Variants in RORA observed in about 807,000 individuals in gnomAD.
RORA encodes RAR related orphan receptor A, also known as nuclear receptor ROR-alpha.
Under a neutral mutation model 69.5 loss-of-function variants are expected in RORA, and 7 were observed. That is an observed-to-expected ratio of 0.10 (90% CI 0.06 to 0.19). The LOEUF (loss-of-function observed/expected upper bound fraction) is 0.19, where lower values mean the gene tolerates loss of function less well. Among genes scored for constraint, RORA ranks in the 10% least tolerant of loss-of-function variants. The pLI, the probability that RORA is intolerant of heterozygous loss-of-function variation, is 1.00. For synonymous variants in RORA, 261 were observed against 240.8 expected (o/e 1.08, Z -0.78); for missense variants, 457 against 663.0 (o/e 0.69, Z 3.41).
At chr15:61,211,967 C>T (rs1227604175) in intron 1 of RORA, 5 of 152,204 alleles carry the variant, frequency 3.3e-5, no homozygotes, top group Non-Finnish European at 2.9e-5. Flanking sequence ...CCTGGCCAAA[C>T]ACTTGGTGCA....
intron 1 of RORA, among the ~76,000 whole-genome samples, chr15:61,063,103 G>C (rs1284172638): frequency 1.3e-5 from 2 of 152,136 alleles, no homozygotes; most frequent in African/African-American, 2.4e-5. Flanking sequence ...CAGTTGCCAG[G>C]CTGGCCCTGT....
intron 2 of RORA, among the ~76,000 whole-genome samples, chr15:60,659,544 T>A (rs2070272145): frequency 1.3e-5 from 2 of 152,202 alleles, no homozygotes; most frequent in African/African-American, 4.8e-5. Flanking sequence ...TTTTCTTACT[T>A]GCATGCTAAC....
chr15:60,687,962 G>C (rs2070771703), intron 1 of RORA, among the ~76,000 whole-genome samples: 1 of 152,148 alleles, frequency 6.6e-6, no homozygotes, highest in South Asian at 2.1e-4. Flanking sequence ...TCACTAAAAG[G>C]AGAGGAAAAA....
intron 1 of RORA, among the ~76,000 whole-genome samples, chr15:61,096,066 G>C (rs1195628692): frequency 6.6e-6 from 1 of 152,216 alleles, no homozygotes; most frequent in Non-Finnish European, 1.5e-5. Flanking sequence ...AGGAGCAGGA[G>C]ATTGGCTCTT....
intron 1 of RORA, among the ~76,000 whole-genome samples, chr15:60,778,962 TTAA>T (rs2072213662): frequency 6.6e-6 from 1 of 152,330 alleles, no homozygotes; most frequent in Non-Finnish European, 1.5e-5. Flanking sequence ...TGATATAGGC[TTAA>T]TAATAACTTC....
At chr15:61,053,868 T>TATATA (rs1375180186) in intron 1 of RORA, among the ~76,000 whole-genome samples, 5 of 140,216 alleles carry the variant, frequency 3.6e-5, no homozygotes, top group Non-Finnish European at 6.2e-5. Context: ...TATATAAACA[T>TATATA]TCTTCAGGGA....
intron 1 of RORA, among the ~76,000 whole-genome samples, chr15:60,840,404 G>C (rs767976687): frequency 7.9e-5 from 12 of 152,244 alleles, no homozygotes; most frequent in Non-Finnish European, 1.6e-4. Flanking sequence ...TCTTAGGCAA[G>C]ATTTGATTCA....
intron 1 of RORA, among the ~76,000 whole-genome samples, chr15:61,148,712 A>C (rs1218843480): frequency 6.6e-6 from 1 of 152,234 alleles, no homozygotes; most frequent in African/African-American, 2.4e-5. Context: ...ATAATTCTCT[A>C]ACCAAATGTC....
intron 1 of RORA, among the ~76,000 whole-genome samples, chr15:60,680,054 G>T (rs1317759111): frequency 1.3e-5 from 2 of 152,128 alleles, no homozygotes; most frequent in Non-Finnish European, 2.9e-5. Flanking sequence ...AGAATTTTTT[G>T]AAATAACCTT....
At chr15:60,985,216 C>A (rs1440931197) in intron 1 of RORA, among the ~76,000 whole-genome samples, 1 of 152,106 alleles carries the variant, frequency 6.6e-6, no homozygotes, top group Non-Finnish European at 1.5e-5. Flanking sequence ...TGAGTGAGAT[C>A]AGGAAATGAA....
At chr15:60,713,059 T>A (rs938084181) in intron 1 of RORA, among the ~76,000 whole-genome samples, 17 of 152,228 alleles carry the variant, frequency 1.1e-4, no homozygotes, top group African/African-American at 4.1e-4. Context: ...CTTTACTTTT[T>A]TTCAGACTGT....
intron 1 of RORA, among the ~76,000 whole-genome samples, chr15:61,166,309 G>C (rs1022920647): frequency 6.6e-6 from 1 of 152,138 alleles, no homozygotes; most frequent in African/African-American, 2.4e-5. Context: ...CCAAGCACCA[G>C]AAAGACACAG....
chr15:60,708,973 A>G (rs1198740417), intron 1 of RORA, among the ~76,000 whole-genome samples: 1 of 152,218 alleles, frequency 6.6e-6, no homozygotes, highest in African/African-American at 2.4e-5. Context: ...TAGTGCCTGC[A>G]TAGCTAGCAA....
chr15:60,884,252 T>C (rs2073726576), intron 1 of RORA, among the ~76,000 whole-genome samples: 1 of 151,648 alleles, frequency 6.6e-6, no homozygotes, highest in African/African-American at 2.4e-5. Flanking sequence ...GGCACAGACA[T>C]GAGAGGCTAG....
intron 2 of RORA, among the ~76,000 whole-genome samples, chr15:60,657,629 T>C (rs1045635990): frequency 6.6e-6 from 1 of 152,210 alleles, no homozygotes; most frequent in African/African-American, 2.4e-5. Flanking sequence ...AACAAAGTAC[T>C]TCCCTGTGTT....
intron 1 of RORA, among the ~76,000 whole-genome samples, chr15:60,723,975 G>C (rs181986605): frequency 1.5e-3 from 222 of 152,320 alleles, no homozygotes; most frequent in Non-Finnish European, 1.5e-3. Flanking sequence ...CTAAGTGCTT[G>C]AGGTAAAGAT....
At chr15:60,670,040 A>G (rs980901207) in intron 2 of RORA, among the ~76,000 whole-genome samples, 21 of 152,152 alleles carry the variant, frequency 1.4e-4, no homozygotes, top group Admixed American at 1.4e-3. Flanking sequence ...ACTGCAGTCT[A>G]CTTTCCAGCC....
At chr15:60,981,009 A>G (rs1894028991) in intron 1 of RORA, among the ~76,000 whole-genome samples, 2 of 151,650 alleles carry the variant, frequency 1.3e-5, no homozygotes, top group South Asian at 2.1e-4. Context: ...GTGACAAACT[A>G]TCTCAATTTT....
chr15:60,576,651 C>G (rs1402480603), intron 2 of RORA, among the ~76,000 whole-genome samples: 1 of 152,196 alleles, frequency 6.6e-6, no homozygotes, highest in African/African-American at 2.4e-5. Context: ...GAGGGCTTAG[C>G]CTCCTTGTCA....
Sources: allele counts gnomAD v4.1 joint callset (sites outside exome capture counted in the v4.1 genomes callset), GRCh38; gene constraint gnomAD v4.1.1; transcripts MANE v1.5; gene names NCBI Gene and HGNC (gene_info 2026-07-23, HGNC 2026-07-21).